The following PAFAH1B1 variants were observed in gnomAD, a reference collection of about 807,000 sequenced individuals.
PAFAH1B1 encodes platelet activating factor acetylhydrolase 1b regulatory subunit 1.
PAFAH1B1 carries 2 observed loss-of-function variants against 57.5 expected under a neutral mutation model. The observed-to-expected ratio is 0.03, with a 90% CI of 0.01 to 0.11. PAFAH1B1 has a LOEUF of 0.11. Among genes scored for constraint, PAFAH1B1 ranks in the 10% least tolerant of loss-of-function variants. The pLI, the probability that PAFAH1B1 is intolerant of heterozygous loss-of-function variation, is 1.00. For synonymous variants in PAFAH1B1, 152 were observed against 169.6 expected (o/e 0.90, Z 0.81); for missense variants, 257 against 512.0 (o/e 0.50, Z 4.81).
At chr17:2,598,613 T>A (rs1185777897) in intron 1 of PAFAH1B1, among the ~76,000 whole-genome samples, 1 of 151,864 alleles carries the variant, frequency 6.6e-6, no homozygotes, top group Admixed American at 6.6e-5. Flanking sequence ...TTTTTTTTTT[T>A]ACTTAGAAAG....
chr17:2,658,858 G>A (rs966365258), intron 2 of PAFAH1B1, among the ~76,000 whole-genome samples: 1 of 152,180 alleles, frequency 6.6e-6, no homozygotes, highest in Non-Finnish European at 1.5e-5. Flanking sequence ...AGATTTCTTA[G>A]GGTACGTGAG....
intron 2 of PAFAH1B1, among the ~76,000 whole-genome samples, chr17:2,661,226 A>G (rs974782682): frequency 5.3e-5 from 8 of 152,196 alleles, no homozygotes; most frequent in African/African-American, 1.4e-4. Flanking sequence ...TGGCATTTTC[A>G]TCAAGAAATC....
At chr17:2,634,743 G>A (rs2068599910) in intron 1 of PAFAH1B1, among the ~76,000 whole-genome samples, 1 of 151,898 alleles carries the variant, frequency 6.6e-6, no homozygotes, top group Admixed American at 6.6e-5. Flanking sequence ...TTATTTTGTG[G>A]CCTGTTTGCT....
intron 1 of PAFAH1B1, among the ~76,000 whole-genome samples, chr17:2,620,660 G>A (rs2151622344): frequency 6.6e-6 from 1 of 152,196 alleles, no homozygotes; most frequent in South Asian, 2.1e-4. Context: ...TCAAGAGATT[G>A]ATACCATCCT....
rs773902841 is a variant in PAFAH1B1 at position 2,680,295 on chromosome 17, G to A, written c.1134G>A (p.Ala378=). ...KNKRCMKTLN[A]HEHFVTSLDF... is the part of the protein sequence containing the mutation. ...AGCGATGCATGAAGACCCTCAATGC[G>A]CATGAACACTTTGTTACCTCCTTGG... is the stretch of plus-strand genomic sequence containing the variant. Residue 378 remains alanine (A), a synonymous_variant, in exon 10 of 11, where the codon GCG becomes GCA. Transcript: ENST00000397195. 6.8e-6 allele frequency: 11 copies of A among 1,613,978 alleles called. No homozygotes were observed. The highest frequency in any genetic ancestry group is 1.6e-4 in the Middle Eastern group (1 of 6,062).
intron 1 of PAFAH1B1, among the ~76,000 whole-genome samples, chr17:2,608,506 T>C (rs1450304232): frequency 6.6e-6 from 1 of 152,212 alleles, no homozygotes; most frequent in Non-Finnish European, 1.5e-5. Context: ...TGAGATGATA[T>C]GATGTGTTTA....
chr17:2,633,983 T>TTTTAA (rs2068589331), intron 1 of PAFAH1B1, among the ~76,000 whole-genome samples: 1 of 132,770 alleles, frequency 7.5e-6, no homozygotes, highest in Non-Finnish European at 1.6e-5. Context: ...TTTTTTTTTT[T>TTTTAA]AATAGGTTGG....
rs575679122 is a variant in PAFAH1B1 at position 2,603,183 on chromosome 17, A to G, written c.-191+9177A>G. 1.1e-3 allele frequency among the ~76,000 whole-genome samples: 162 copies of G among 152,026 alleles called. 1 individual carries two copies. Among genetic ancestry groups the G allele is most frequent in the Non-Finnish European group, 2.0e-3 (137 of 67,948 alleles). On this transcript the variant is annotated intron_variant, in intron 1 of 10. Transcript: ENST00000397195. ...AAAGAATGATTTTTTTTTTTGAGAC[A>G]GGGTCTGGCTCTGTTGCCCAGGCTG...
intron 1 of PAFAH1B1, among the ~76,000 whole-genome samples, chr17:2,628,437 G>A (rs1027614065): frequency 1.3e-5 from 2 of 152,070 alleles, no homozygotes; most frequent in Non-Finnish European, 2.9e-5. Flanking sequence ...GATCATGGTG[G>A]ATCAACACAT....
At position 2,680,271 on chromosome 17, in the gene PAFAH1B1, G is replaced by A. The variant is rs147983048; in HGVS notation, c.1110G>A (p.Lys370=). 491 of 1,614,130 alleles carry A rather than the reference G, an allele frequency of 3.0e-4. 7 individuals are homozygous for A. Among genetic ancestry groups the A allele is most frequent in the Middle Eastern group, 2.1e-3 (13 of 6,062 alleles). Residue 370 remains lysine (K), a synonymous_variant, in exon 10 of 11, where the codon AAG becomes AAA. Coordinates refer to ENST00000397195, the MANE Select transcript of PAFAH1B1 (RefSeq NM_000430.4). ...TACGCGTATGGGATTACAAGAACAA[G>A]CGATGCATGAAGACCCTCAATGCGC... is the stretch of plus-strand genomic sequence containing the variant. ...KTLRVWDYKN[K]RCMKTLNAHE... is the part of the protein sequence containing the mutation.
chr17:2,606,602 C>A (rs969046054), intron 1 of PAFAH1B1, among the ~76,000 whole-genome samples: 1 of 151,918 alleles, frequency 6.6e-6, no homozygotes, highest in Admixed American at 6.6e-5. Flanking sequence ...ACTTCAGGCC[C>A]GCCTTGGCCT....
Position 2,638,325 on chromosome 17 carries a change from GTTTC to G in PAFAH1B1, c.32+9_32+12del, listed in dbSNP as rs767379599. On this transcript the variant is annotated splice_donor_region_variant and intron_variant, in intron 2 of 10. Coordinates refer to ENST00000397195, the MANE Select transcript of PAFAH1B1 (RefSeq NM_000430.4). ...CCAGAGACAACGAGATGAACTGTAA[GTTTC>G]TTTGTTTTGTGCTTTAAAAAAAATC... 53 of 1,612,350 alleles carry G rather than the reference GTTTC, an allele frequency of 3.3e-5. No homozygotes were observed. The highest frequency in any genetic ancestry group is 2.5e-4 in the Admixed American group (15 of 59,972).
intron 7 of PAFAH1B1, 155 bp from the exon 8 acceptor site, chr17:2,673,905 C>G (rs369704687): frequency 6.7e-5 from 42 of 630,022 alleles, no homozygotes; most frequent in East Asian, 6.1e-4. Context: ...GCTTATTGTT[C>G]CTACTTTAAT....
intron 2 of PAFAH1B1, among the ~76,000 whole-genome samples, chr17:2,643,811 C>T (rs969040935): frequency 2.8e-4 from 43 of 152,178 alleles, no homozygotes; most frequent in African/African-American, 8.2e-4. Flanking sequence ...TCACCTGCTT[C>T]GGCCTTCCAA....
At chr17:2,594,266 G>T (rs2068058564) in intron 1 of PAFAH1B1, among the ~76,000 whole-genome samples, 1 of 152,208 alleles carries the variant, frequency 6.6e-6, no homozygotes, top group African/African-American at 2.4e-5. Context: ...CTCCTCCCGG[G>T]CCCGGCTTTG....
intron 1 of PAFAH1B1, among the ~76,000 whole-genome samples, chr17:2,606,153 T>C (rs2068202323): frequency 6.6e-6 from 1 of 152,140 alleles, no homozygotes; most frequent in Admixed American, 6.6e-5. Context: ...TTAGGAAATT[T>C]GTAGATTTCC....
chr17:2,653,579 T>C (rs2068896459), intron 2 of PAFAH1B1, among the ~76,000 whole-genome samples: 1 of 152,192 alleles, frequency 6.6e-6, no homozygotes, highest in African/African-American at 2.4e-5. Context: ...ACTCTGAGAC[T>C]GCAAGTTGAG....
At chr17:2,593,611 CG>C, upstream of PAFAH1B1, 2 of 217,432 alleles carry the variant, frequency 9.2e-6, no homozygotes, top group South Asian at 8.3e-5. Flanking sequence ...GCGGCGGCGG[CG>C]GCGGCGCGGT....
intron 5 of PAFAH1B1, among the ~76,000 whole-genome samples, chr17:2,667,868 AGTT>A (rs2069129170): frequency 6.6e-6 from 1 of 151,910 alleles, no homozygotes; most frequent in Admixed American, 6.6e-5. Flanking sequence ...TTAGGAAAAG[AGTT>A]GTTTTTAAGT....
Sources: allele counts gnomAD v4.1 joint callset (sites outside exome capture counted in the v4.1 genomes callset), GRCh38; gene constraint gnomAD v4.1.1; transcripts MANE v1.5; gene names NCBI Gene and HGNC (gene_info 2026-07-23, HGNC 2026-07-21).